PDZD2: variants seen among roughly 807,000 people sequenced by gnomAD.
The protein encoded by PDZD2 is PDZ domain containing 2, also known as PDZ domain-containing protein 2.
PDZD2 carries 90 observed loss-of-function variants against 220.7 expected under a neutral mutation model. That is an observed-to-expected ratio of 0.41 (90% CI 0.34 to 0.49). The LOEUF (loss-of-function observed/expected upper bound fraction) is 0.49, where lower values mean the gene tolerates loss of function less well. Ranked by LOEUF, PDZD2 falls within the 20% of genes least tolerant of loss-of-function variation. The probability of loss-of-function intolerance (pLI) is 0.28; values close to 1 mark genes in which losing one functional copy is unlikely to be tolerated. For missense variants in PDZD2, 3,174 were observed against 3,608.5 expected (o/e 0.88, Z 3.08); for synonymous variants, 1,375 against 1,450.5 (o/e 0.95, Z 1.18).
At chr5:31,835,485 C>T (rs1451240424) in intron 2 of PDZD2, among the ~76,000 whole-genome samples, 10 of 151,998 alleles carry the variant, frequency 6.6e-5, no homozygotes, top group South Asian at 2.1e-4. Flanking sequence ...GGCGTGGTGG[C>T]GGACACCTGT....
chr5:31,685,154 C>T (rs1454832437), intron 1 of PDZD2, among the ~76,000 whole-genome samples: 1 of 152,116 alleles, frequency 6.6e-6, no homozygotes, highest in Non-Finnish European at 1.5e-5. Context: ...GCGTTCTCTG[C>T]CCTACCCGCT....
In PDZD2 at chr5:31,781,049, G is replaced by A. The variant is rs534428820; in HGVS notation, c.-360-17840G>A. On this transcript the variant is annotated intron_variant, in intron 1 of 24. Transcript: ENST00000438447. ...AGGGGAGGATGTCACTTACACCACC[G>A]ATCAGTTAGGCCCTTCTTTAAAGCT... is the stretch of plus-strand genomic sequence containing the variant. Among the ~76,000 whole-genome samples the A allele has an allele frequency of 2.2e-4, 33 of 152,200 alleles. 1 individual carries two copies. Among genetic ancestry groups the A allele is most frequent in the African/African-American group, 5.8e-4 (24 of 41,438 alleles).
chr5:31,979,810 T>C (rs557113725), intron 2 of PDZD2, among the ~76,000 whole-genome samples: 4 of 152,280 alleles, frequency 2.6e-5, no homozygotes, highest in African/African-American at 9.6e-5. Flanking sequence ...AATTGCACAG[T>C]GGGCAGAGCA....
At chr5:32,017,724 A>G (rs1319267219) in intron 6 of PDZD2, among the ~76,000 whole-genome samples, 4 of 152,234 alleles carry the variant, frequency 2.6e-5, no homozygotes, top group Non-Finnish European at 5.9e-5. Context: ...GCAAGCAGCT[A>G]CAGGGAATTT....
chr5:31,825,298 G>A (rs1756144419), intron 2 of PDZD2, among the ~76,000 whole-genome samples: 1 of 152,192 alleles, frequency 6.6e-6, no homozygotes. Flanking sequence ...CAGACGTCAA[G>A]AGGAAGCTGG....
chr5:31,785,403 C>A (rs1174419569), intron 1 of PDZD2, among the ~76,000 whole-genome samples: 1 of 147,408 alleles, frequency 6.8e-6, no homozygotes, highest in African/African-American at 2.5e-5. Flanking sequence ...ATATATATTT[C>A]CCATATATAT....
At chr5:31,833,218 C>T (rs1176674524) in intron 2 of PDZD2, among the ~76,000 whole-genome samples, 1 of 152,082 alleles carries the variant, frequency 6.6e-6, no homozygotes, top group East Asian at 1.9e-4. Context: ...CCTGTAATCC[C>T]GGTGCTTTGG....
intron 2 of PDZD2, among the ~76,000 whole-genome samples, chr5:31,920,388 ACG>A (rs1456725262): frequency 7.8e-4 from 16 of 20,606 alleles, no homozygotes; most frequent in African/African-American, 4.4e-3. Flanking sequence ...CCCATGATCA[ACG>A]CCCCCCCCCC....
chr5:31,706,777 G>A lies in PDZD2; in HGVS notation c.-361+67340G>A, dbSNP rs527529954. Among the ~76,000 whole-genome samples the A allele has an allele frequency of 8.1e-3, 1,223 of 151,006 alleles. 10 individuals carry two copies. Among genetic ancestry groups the A allele is most frequent in the Admixed American group, 0.014 (211 of 15,142 alleles). ...GAGAATCGCTTGAACCTGGGAGGTG[G>A]AGGTTGCAGTGAGCTGAGATCGTGC... On this transcript the variant is annotated intron_variant, in intron 1 of 24. Transcript: ENST00000438447.
chr5:31,985,231 T>G (rs1458141655), intron 3 of PDZD2, among the ~76,000 whole-genome samples: 1 of 152,162 alleles, frequency 6.6e-6, no homozygotes, highest in East Asian at 1.9e-4. Flanking sequence ...TCCCTAATGA[T>G]TAGATTGTGC....
rs754282010 is a variant in PDZD2 at position 32,010,380 on chromosome 5, T to C, written c.1305T>C (p.Asp435=). Residue 435 remains aspartate (D), a synonymous_variant, in exon 6 of 25, where the codon GAT becomes GAC. Transcript: ENST00000438447. ...GGTTAACATCTAAGAGCTTGCCAGA[T>C]CTGACCAGCTCGGTAGAAGATGTGT... The part of the protein sequence containing the change: ...LLRLTSKSLP[D]LTSSVEDVSS... 2 of 1,612,878 alleles carry C rather than the reference T, an allele frequency of 1.2e-6. No homozygotes were observed. The highest frequency in any genetic ancestry group is 1.7e-6 in the Non-Finnish European group (2 of 1,178,958).
At chr5:32,055,516 A>C (rs1253803253) in intron 10 of PDZD2, among the ~76,000 whole-genome samples, 1 of 139,174 alleles carries the variant, frequency 7.2e-6, no homozygotes, top group Non-Finnish European at 1.6e-5. Flanking sequence ...TTTAAATAGC[A>C]TTCACCAGAG....
intron 2 of PDZD2, among the ~76,000 whole-genome samples, chr5:31,964,965 G>A (rs1255743488): frequency 6.6e-6 from 1 of 152,016 alleles, no homozygotes; most frequent in Non-Finnish European, 1.5e-5. Flanking sequence ...CTCGTGATCC[G>A]CCCACCTCCG....
intron 1 of PDZD2, among the ~76,000 whole-genome samples, chr5:31,701,505 T>G (rs1333762858): frequency 6.6e-6 from 1 of 152,178 alleles, no homozygotes; most frequent in Non-Finnish European, 1.5e-5. Context: ...GAAGTCCTTT[T>G]TCCTGACCTA....
At chr5:31,667,235 CAAAAAAAAAAA>C (rs3031718) in intron 1 of PDZD2, among the ~76,000 whole-genome samples, 1 of 52,842 alleles carries the variant, frequency 1.9e-5, no homozygotes, top group Middle Eastern at 0.017. Flanking sequence ...GACTCCGTCT[CAAAAAAAAAAA>C]AAAAAAAAAA....
chr5:31,660,886 C>G (rs1478065923), intron 1 of PDZD2, among the ~76,000 whole-genome samples: 1 of 152,014 alleles, frequency 6.6e-6, no homozygotes, highest in East Asian at 1.9e-4. Flanking sequence ...GTCACTATGC[C>G]CAGTGAATTT....
intron 2 of PDZD2, among the ~76,000 whole-genome samples, chr5:31,844,314 G>T (rs1390077735): frequency 6.6e-6 from 1 of 152,146 alleles, no homozygotes; most frequent in Admixed American, 6.5e-5. Context: ...GTTAGGCAAA[G>T]GTGAGGGACT....
Position 32,054,874 on chromosome 5 carries a change from TAGAAAC to T in PDZD2, c.1900+997_1900+1002del, listed in dbSNP as rs557265860. Among the ~76,000 whole-genome samples, 42 of 152,328 alleles carry T rather than the reference TAGAAAC, an allele frequency of 2.8e-4. No homozygotes were observed. In the South Asian group the frequency reaches 6.8e-3, roughly 25 times the overall value. ...AATTGGCATTTTGGAGTGACCATCT[TAGAAAC>T]AGAAAAGTGACACTCAGAAATGTTA... is the stretch of plus-strand genomic sequence containing the variant. On this transcript the variant is annotated intron_variant, in intron 10 of 24. Transcript: ENST00000438447.
At chr5:31,757,449 G>A (rs1454141900) in intron 1 of PDZD2, among the ~76,000 whole-genome samples, 9 of 152,008 alleles carry the variant, frequency 5.9e-5, no homozygotes, top group South Asian at 4.2e-4. Context: ...AAAATTAGCC[G>A]GGCGTGGTGG....
Sources: allele counts gnomAD v4.1 joint callset (sites outside exome capture counted in the v4.1 genomes callset), GRCh38; gene constraint gnomAD v4.1.1; transcripts MANE v1.5; gene names NCBI Gene and HGNC (gene_info 2026-07-23, HGNC 2026-07-21).